RYK: variants seen among roughly 807,000 people sequenced by gnomAD.
RYK encodes inactive tyrosine-protein kinase RYK.
Under a neutral mutation model 70.2 loss-of-function variants are expected in RYK, and 21 were observed. The ratio of observed to expected loss-of-function variants is 0.30; its 90% confidence interval spans 0.21 to 0.43. The LOEUF is 0.43. RYK is among the 20% of genes least tolerant of loss of function. RYK has a pLI of 1.00. For missense variants in RYK, 604 were observed against 753.3 expected (o/e 0.80, Z 2.32); for synonymous variants, 267 against 278.0 (o/e 0.96, Z 0.39).
intron 1 of RYK, among the ~76,000 whole-genome samples, chr3:134,235,155 T>C (rs898140649): frequency 6.6e-6 from 1 of 152,128 alleles, no homozygotes; most frequent in Non-Finnish European, 1.5e-5. Context: ...AAACTGAACA[T>C]ACACATTTTT....
At chr3:134,217,326 G>T (rs991281272) in intron 2 of RYK, among the ~76,000 whole-genome samples, 12 of 152,120 alleles carry the variant, frequency 7.9e-5, no homozygotes, top group Non-Finnish European at 1.8e-4. Flanking sequence ...TACACCTCAG[G>T]GTTAAATGAT....
intron 1 of RYK, among the ~76,000 whole-genome samples, chr3:134,245,947 G>A (rs79548042): frequency 1.6e-3 from 249 of 152,158 alleles, no homozygotes; most frequent in African/African-American, 5.5e-3. Flanking sequence ...ATTATAGACA[G>A]TCAAGGATCA....
chr3:134,213,939 TGG>T (rs2014476983), intron 2 of RYK, among the ~76,000 whole-genome samples: 1 of 151,956 alleles, frequency 6.6e-6, no homozygotes. Flanking sequence ...GAGTAGCTGG[TGG>T]GACTACAGGC....
intron 1 of RYK, among the ~76,000 whole-genome samples, chr3:134,224,596 C>A (rs75381922): frequency 2.0e-5 from 3 of 152,100 alleles, no homozygotes; most frequent in Non-Finnish European, 4.4e-5. Context: ...TTCTCTAACT[C>A]CCCCGGGGAA....
chr3:134,236,767 A>C (rs1378698567), intron 1 of RYK, among the ~76,000 whole-genome samples: 1 of 152,208 alleles, frequency 6.6e-6, no homozygotes, highest in Non-Finnish European at 1.5e-5. Context: ...AGAAAGTTAC[A>C]TATTTTGGGC....
intron 13 of RYK, among the ~76,000 whole-genome samples, chr3:134,169,441 T>C (rs1446981942): frequency 2.6e-5 from 4 of 152,190 alleles, no homozygotes; most frequent in Non-Finnish European, 5.9e-5. Flanking sequence ...CCACATCTGA[T>C]GAAAACACAA....
chr3:134,176,075 C>T (rs1353453562), intron 11 of RYK, 36 bp from the exon 12 acceptor site: 2 of 1,226,168 alleles, frequency 1.6e-6, no homozygotes, highest in Admixed American at 4.0e-5. Context: ...TTGCAAATAG[C>T]ACACAAATAT....
Position 134,241,924 on chromosome 3 carries a change from C to A in RYK, c.232+8499G>T, listed in dbSNP as rs377006022. 1.1e-3 allele frequency among the ~76,000 whole-genome samples: 165 copies of A among 152,342 alleles called. 3 individuals carry two copies. Among genetic ancestry groups the A allele is most frequent in the African/African-American group, 3.8e-3 (158 of 41,582 alleles). On this transcript the variant is annotated intron_variant, in intron 1 of 14. Coordinates refer to ENST00000623711, the MANE Select transcript of RYK (RefSeq NM_002958.4). ...AAAGTACCTGGCATACAGCAAGATA[C>A]GCTCTTCCTCCTCCTCCCTAAATTA...
intron 13 of RYK, among the ~76,000 whole-genome samples, chr3:134,160,812 G>A (rs1170508826): frequency 3.9e-5 from 6 of 152,120 alleles, no homozygotes; most frequent in Admixed American, 2.0e-4. Context: ...CCGAGATCGC[G>A]CCACTGCACT....
chr3:134,174,406 A>G (rs1249064765), intron 13 of RYK, among the ~76,000 whole-genome samples: 1 of 152,250 alleles, frequency 6.6e-6, no homozygotes, highest in East Asian at 1.9e-4. Flanking sequence ...ACATGATTAA[A>G]AGATTAATCC....
At chr3:134,190,735 G>A (rs908409207) in intron 8 of RYK, among the ~76,000 whole-genome samples, 1 of 152,124 alleles carries the variant, frequency 6.6e-6, no homozygotes, top group Non-Finnish European at 1.5e-5. Context: ...ACCTGGTTCA[G>A]AATTCCTTCT....
chr3:134,231,059 GTAA>G (rs1033393421), intron 1 of RYK, among the ~76,000 whole-genome samples: 1 of 151,654 alleles, frequency 6.6e-6, no homozygotes, highest in East Asian at 1.9e-4. Flanking sequence ...GTTATTACTG[GTAA>G]TAATAACAAA....
chr3:134,226,658 T>A (rs912207306), intron 1 of RYK, among the ~76,000 whole-genome samples: 11 of 152,098 alleles, frequency 7.2e-5, no homozygotes, highest in African/African-American at 1.7e-4. Flanking sequence ...ACCAACTATA[T>A]ATGAAAGGTT....
rs532878138 is a variant in RYK, at chr3:134,165,168, T to C, written c.1576-5795A>G. Among the ~76,000 whole-genome samples, 13 of 152,322 alleles carry C rather than the reference T, an allele frequency of 8.5e-5. No individual in the cohort carries two copies. The South Asian group carries it at 2.5e-3, about 29-fold the overall frequency. On this transcript the variant is annotated intron_variant, in intron 13 of 14. Transcript: ENST00000623711. ...GTATTTTTGATGTTCTTATAAACTTTTTTAAAACTTTATTTTTCATTGTTA... is the reference window on the plus strand; with the variant it reads ...GTATTTTTGATGTTCTTATAAACTTCTTTAAAACTTTATTTTTCATTGTTA...
In RYK at chr3:134,244,448, T is replaced by C. The variant is rs572292541; in HGVS notation, c.232+5975A>G. Among the ~76,000 whole-genome samples the C allele has an allele frequency of 2.7e-4, 41 of 152,292 alleles. 1 individual carries two copies. In the South Asian group the frequency reaches 8.3e-3, roughly 31 times the overall value. ...TCCTCCAGAGCTGATAAAGAGACAGTATGAATTCAGGTCTCAGGCAGGACT... is the reference window on the plus strand; with the variant it reads ...TCCTCCAGAGCTGATAAAGAGACAGCATGAATTCAGGTCTCAGGCAGGACT... On this transcript the variant is annotated intron_variant, in intron 1 of 14. Coordinates refer to ENST00000623711, the MANE Select transcript of RYK (RefSeq NM_002958.4).
At chr3:134,174,467 T>C (rs1028555816) in intron 13 of RYK, among the ~76,000 whole-genome samples, 1 of 152,170 alleles carries the variant, frequency 6.6e-6, no homozygotes, top group Admixed American at 6.5e-5. Context: ...TTTTAAAATA[T>C]AGACACACAA....
chr3:134,201,494 T>C (rs549062231), intron 6 of RYK, among the ~76,000 whole-genome samples: 2 of 151,998 alleles, frequency 1.3e-5, no homozygotes, highest in South Asian at 4.2e-4. Flanking sequence ...CAAAAAATTA[T>C]AGAAGAAAAA....
Position 134,222,474 on chromosome 3 carries a change from G to A in RYK, c.298C>T (p.Leu100=), listed in dbSNP as rs778421089. ...AAATTTGTCTCACTGGGTACTAACA[G>A]ACTAAAGGATAGAGCGTAGTGACTA... ...LISHYALSFS[L]LVPSETNFLH... Residue 100 remains leucine (L), a synonymous_variant, in exon 2 of 15, where the codon CTG becomes TTG. Coordinates refer to ENST00000623711, the MANE Select transcript of RYK (RefSeq NM_002958.4). The A allele has an allele frequency of 6.2e-7, 1 of 1,613,302 alleles. No individual in the cohort carries two copies. Among genetic ancestry groups the A allele is most frequent in the Non-Finnish European group, 8.5e-7 (1 of 1,179,500 alleles).
intron 2 of RYK, 137 bp from the exon 3 acceptor site, chr3:134,211,744 A>T: frequency 1.6e-6 from 1 of 625,308 alleles, no homozygotes; most frequent in Non-Finnish European, 2.8e-6. Context: ...AAAAAAATGC[A>T]AATTGTCAGA....
Sources: allele counts gnomAD v4.1 joint callset (sites outside exome capture counted in the v4.1 genomes callset), GRCh38; gene constraint gnomAD v4.1.1; transcripts MANE v1.5; gene names NCBI Gene and HGNC (gene_info 2026-07-23, HGNC 2026-07-21).